The following SLIT1 variants were observed in gnomAD, a reference collection of about 807,000 sequenced individuals.
SLIT1 encodes slit homolog 1 protein.
SLIT1 carries 66 observed loss-of-function variants against 186.1 expected under a neutral mutation model. The observed-to-expected ratio is 0.35, with a 90% CI of 0.29 to 0.44. The LOEUF (loss-of-function observed/expected upper bound fraction) is 0.44. SLIT1 is among the 20% of genes least tolerant of loss of function. SLIT1 has a pLI of 1.00. For missense variants in SLIT1, 1,638 were observed against 2,037.4 expected (o/e 0.80, Z 3.77); for synonymous variants, 761 against 833.8 (o/e 0.91, Z 1.50).
intron 4 of SLIT1, among the ~76,000 whole-genome samples, chr10:97,075,625 G>A (rs530290841): frequency 3.3e-5 from 5 of 152,322 alleles, no homozygotes; most frequent in South Asian, 2.1e-4. Flanking sequence ...AGCCTCACAC[G>A]ACTGTTATCA....
At chr10:97,093,170 C>A (rs1849251231) in intron 4 of SLIT1, among the ~76,000 whole-genome samples, 1 of 152,234 alleles carries the variant, frequency 6.6e-6, no homozygotes, top group Non-Finnish European at 1.5e-5. Flanking sequence ...CCAGAAGACA[C>A]AACCTGTGTT....
chr10:97,036,705 A>G (rs770322738), intron 22 of SLIT1, among the ~76,000 whole-genome samples: 2 of 152,236 alleles, frequency 1.3e-5, no homozygotes, highest in Non-Finnish European at 2.9e-5. Context: ...ACTGCTCCAA[A>G]TCACACTAAG....
chr10:97,142,579 G>A (rs1849777500), intron 4 of SLIT1, among the ~76,000 whole-genome samples: 1 of 152,164 alleles, frequency 6.6e-6, no homozygotes, highest in Non-Finnish European at 1.5e-5. Flanking sequence ...TCTTGGATAT[G>A]ACACCGAAAG....
chr10:97,140,608 G>T (rs1274961960), intron 4 of SLIT1, among the ~76,000 whole-genome samples: 1 of 152,148 alleles, frequency 6.6e-6, no homozygotes, highest in Non-Finnish European at 1.5e-5. Flanking sequence ...TCGGCCGACA[G>T]AAGGGCCTTT....
At chr10:97,050,148 C>T (rs1446411310) in intron 13 of SLIT1, among the ~76,000 whole-genome samples, 1 of 151,824 alleles carries the variant, frequency 6.6e-6, no homozygotes, top group African/African-American at 2.4e-5. Context: ...AACTCTGTCT[C>T]GAAAAGGAAA....
chr10:97,170,350 A>C (rs756382246), intron 1 of SLIT1, among the ~76,000 whole-genome samples: 2 of 152,266 alleles, frequency 1.3e-5, no homozygotes, highest in Non-Finnish European at 2.9e-5. Flanking sequence ...TTTCTAAAAC[A>C]CCAAGAATAA....
intron 21 of SLIT1, 124 bp from the exon 22 acceptor site, chr10:97,037,890 G>T (rs34707456): frequency 0.11 from 70,282 of 668,286 alleles, 4,308 homozygotes; most frequent in Non-Finnish European, 0.13. Context: ...TAGGCCACAC[G>T]ATGGGCCCAG....
intron 13 of SLIT1, among the ~76,000 whole-genome samples, chr10:97,049,884 G>A (rs1325938798): frequency 1.3e-5 from 2 of 152,246 alleles, no homozygotes; most frequent in Non-Finnish European, 2.9e-5. Context: ...GCAGATGGCC[G>A]TGATGGGTTG....
intron 1 of SLIT1, among the ~76,000 whole-genome samples, chr10:97,167,729 G>T (rs944288077): frequency 3.9e-5 from 6 of 152,222 alleles, no homozygotes; most frequent in African/African-American, 1.4e-4. Flanking sequence ...TGTGTCATGG[G>T]AGGGAGCCGG....
intron 4 of SLIT1, among the ~76,000 whole-genome samples, chr10:97,091,777 C>A (rs1322105718): frequency 6.6e-6 from 1 of 152,188 alleles, no homozygotes; most frequent in African/African-American, 2.4e-5. Flanking sequence ...CGTAGGAGCA[C>A]AAACAGGGCT....
At chr10:97,041,431 G>A (rs1255589239) in intron 20 of SLIT1, among the ~76,000 whole-genome samples, 3 of 150,690 alleles carry the variant, frequency 2.0e-5, no homozygotes, top group African/African-American at 7.3e-5. Flanking sequence ...GAGTTATCCA[G>A]AGTTGGGGCA....
intron 4 of SLIT1, among the ~76,000 whole-genome samples, chr10:97,095,548 T>A (rs1323930796): frequency 6.6e-6 from 1 of 152,142 alleles, no homozygotes; most frequent in Non-Finnish European, 1.5e-5. Flanking sequence ...TAGGACTGAA[T>A]CCCGTGCCAG....
At chr10:97,012,075 T>TACACACACACACAC (rs35171328) in intron 30 of SLIT1, among the ~76,000 whole-genome samples, 5 of 130,920 alleles carry the variant, frequency 3.8e-5, no homozygotes, top group East Asian at 2.2e-4. Context: ...TCAAGCCCAG[T>TACACACACACACAC]ACACACACAC....
rs771034396 is a variant in SLIT1 at position 97,057,963 on chromosome 10, A to G, written c.1086-682T>C. The G allele has an allele frequency of 4.2e-6, 3 of 717,424 alleles. No homozygotes were observed. The South Asian group carries it at 4.4e-5, about 11-fold the overall frequency. The allele number at this position is 717,424 out of a possible 1,614,324, so 44.4% of individuals were successfully genotyped here. ...CCACAAGCTACCCTCGTAAACGTTC[A>G]AGCTGAGTAAAAAATCCTGGGTACT... is the stretch of plus-strand genomic sequence containing the variant. On this transcript the variant is annotated intron_variant, in intron 11 of 36. Coordinates refer to ENST00000266058, the MANE Select transcript of SLIT1 (RefSeq NM_003061.3).
At position 97,155,415 on chromosome 10, in the gene SLIT1, G is replaced by A. The variant is rs72821759; in HGVS notation, c.413+2403C>T. ...AATGTCCAAAGAGAAGGGTGGACTC[G>A]AGTAAAGGAGGGAGGGAGTCCCCTG... On this transcript the variant is annotated intron_variant, in intron 4 of 36. Transcript: ENST00000266058. 1,284 of 152,360 alleles carry A rather than the reference G, an allele frequency of 8.4e-3. 5 individuals carry two copies. Among genetic ancestry groups the A allele is most frequent in the Non-Finnish European group, 0.01 (697 of 68,072 alleles). 9.4% of individuals were successfully genotyped at this position (152,360 alleles called of 1,614,324 possible). A position where few individuals can be genotyped will look rare whatever the true frequency, so the allele number is the denominator to read the frequency against.
At chr10:97,095,696 C>T (rs1448455451) in intron 4 of SLIT1, among the ~76,000 whole-genome samples, 1 of 152,170 alleles carries the variant, frequency 6.6e-6, no homozygotes, top group Non-Finnish European at 1.5e-5. Flanking sequence ...CGTCTGTGCC[C>T]AGCTCTATGA....
intron 17 of SLIT1, 73 bp from the exon 18 acceptor site, chr10:97,046,870 C>T: frequency 6.3e-7 from 1 of 1,585,278 alleles, no homozygotes; most frequent in Non-Finnish European, 8.6e-7. Flanking sequence ...TTCCTGCAGG[C>T]AACACCCCCA....
chr10:97,049,636 A>G (rs549056311), intron 13 of SLIT1, among the ~76,000 whole-genome samples: 1 of 152,248 alleles, frequency 6.6e-6, no homozygotes, highest in Admixed American at 6.5e-5. Context: ...CCTGTCTCCT[A>G]TAGAGAGGGA....
At chr10:97,063,932 A>G (rs1848918769) in intron 7 of SLIT1, among the ~76,000 whole-genome samples, 1 of 152,068 alleles carries the variant, frequency 6.6e-6, no homozygotes, top group South Asian at 2.1e-4. Flanking sequence ...TCAAACACAA[A>G]AACAAATCAT....
Sources: allele counts gnomAD v4.1 joint callset (sites outside exome capture counted in the v4.1 genomes callset), GRCh38; gene constraint gnomAD v4.1.1; transcripts MANE v1.5; gene names NCBI Gene and HGNC (gene_info 2026-07-23, HGNC 2026-07-21).